HOMER1: variants seen among roughly 807,000 people sequenced by gnomAD.
HOMER1 encodes the protein homer scaffold protein 1, also known as homer protein homolog 1.
Under a neutral mutation model 48.9 loss-of-function variants are expected in HOMER1, and 3 were observed. That is an observed-to-expected ratio of 0.06 (90% CI 0.03 to 0.16). The LOEUF is 0.16. HOMER1 is among the 10% of genes least tolerant of loss of function. The probability of loss-of-function intolerance (pLI) is 1.00; values close to 1 mark genes in which losing one functional copy is unlikely to be tolerated. For synonymous variants in HOMER1, 134 were observed against 146.4 expected, an observed-to-expected ratio of 0.92 and a Z score of 0.61; for missense variants, 247 against 411.4, an observed-to-expected ratio of 0.60 and a Z score of 3.46.
In HOMER1 at chr5:79,454,806, G is replaced by A. The variant is rs150358617; in HGVS notation, c.162+2056C>T. On this transcript the variant is annotated intron_variant, in intron 2 of 8. Coordinates refer to ENST00000334082, the MANE Select transcript of HOMER1 (RefSeq NM_004272.5). Reference sequence around the variant, plus strand: ...CCCCATAAAACACTAGGCAATAATCGCCTGATAATAGTATTAACAACAATA... The same window carrying A: ...CCCCATAAAACACTAGGCAATAATCACCTGATAATAGTATTAACAACAATA... Among the ~76,000 whole-genome samples the A allele has an allele frequency of 2.6e-4, 40 of 152,084 alleles. No individual in the cohort carries two copies. The East Asian group carries it at 6.6e-3, about 25-fold the overall frequency.
chr5:79,486,328 AAG>A (rs5868995), intron 1 of HOMER1, among the ~76,000 whole-genome samples: 92,909 of 151,884 alleles, frequency 0.61, 31,680 homozygotes, highest in East Asian at 0.99. Flanking sequence ...GTCATGTTGC[AAG>A]AGAGACAATG....
intron 1 of HOMER1, among the ~76,000 whole-genome samples, chr5:79,502,723 A>G (rs1250550041): frequency 1.3e-5 from 2 of 152,232 alleles, no homozygotes; most frequent in South Asian, 2.1e-4. Flanking sequence ...TACTCAGAAT[A>G]TACAGTTAAC....
chr5:79,435,675 C>T (rs187969866), intron 5 of HOMER1, among the ~76,000 whole-genome samples: 1,507 of 149,308 alleles, frequency 0.01, 17 homozygotes, highest in African/African-American at 0.035. Flanking sequence ...ACTAAAAATA[C>T]AAAAAATTAG....
intron 5 of HOMER1, among the ~76,000 whole-genome samples, chr5:79,418,106 T>C (rs1266304035): frequency 1.3e-5 from 2 of 152,238 alleles, no homozygotes; most frequent in African/African-American, 4.8e-5. Context: ...TGTTTGTTAA[T>C]AGCATGTTAC....
rs376378820 is a variant in HOMER1 at position 79,411,485 on chromosome 5, AAAAAT to A, written c.528-9435_528-9431del. On this transcript the variant is annotated intron_variant, in intron 5 of 8. Transcript: ENST00000334082. ...GGGTGACAAAGGGAGACCCTGACTC[AAAAAT>A]AAAATAAAAATAAAGTCACAGTTGT... Among the ~76,000 whole-genome samples the A allele has an allele frequency of 5.4e-3, 823 of 152,310 alleles. 4 individuals are homozygous for A. The highest frequency in any genetic ancestry group is 8.5e-3 in the Non-Finnish European group (581 of 68,016).
chr5:79,482,567 T>C (rs376187840), intron 1 of HOMER1, among the ~76,000 whole-genome samples: 6 of 151,444 alleles, frequency 4.0e-5, no homozygotes, highest in Admixed American at 1.3e-4. Context: ...TTTGATAAGA[T>C]AGAAATCAAA....
At chr5:79,494,871 C>T (rs982470074) in intron 1 of HOMER1, among the ~76,000 whole-genome samples, 1 of 152,178 alleles carries the variant, frequency 6.6e-6, no homozygotes, top group Admixed American at 6.5e-5. Context: ...CTCTTGCCTT[C>T]TCCAAGTCCA....
intron 1 of HOMER1, among the ~76,000 whole-genome samples, chr5:79,482,469 AG>A (rs1354310174): frequency 6.6e-6 from 1 of 152,146 alleles, no homozygotes; most frequent in Non-Finnish European, 1.5e-5. Flanking sequence ...CGTATTAAAA[AG>A]CCCCAAATCA....
At chr5:79,445,331 A>G (rs1238891063) in intron 4 of HOMER1, among the ~76,000 whole-genome samples, 2 of 152,226 alleles carry the variant, frequency 1.3e-5, no homozygotes, top group Admixed American at 1.3e-4. Flanking sequence ...GAATCCTACT[A>G]GTAGGATACA....
At position 79,447,049 on chromosome 5, in the gene HOMER1, C is replaced by T; in HGVS notation, c.387+4G>A. 6.6e-7 allele frequency: 1 copy of T among 1,507,370 alleles called. No homozygotes were observed. The allele number at this position is 1,507,370 out of a possible 1,614,324, so 93.4% of individuals were successfully genotyped here. A position where few individuals can be genotyped will look rare whatever the true frequency, so the allele number is the denominator to read the frequency against. ...ATAATTAAGAATAGAAATGATATAC[C>T]CACCTGTGAAGGTGTACTGGTAAGT... On this transcript the variant is annotated splice_donor_region_variant and intron_variant, in intron 4 of 8. Coordinates refer to ENST00000334082, the MANE Select transcript of HOMER1 (RefSeq NM_004272.5).
At chr5:79,501,670 G>C (rs1248571800) in intron 1 of HOMER1, among the ~76,000 whole-genome samples, 1 of 152,144 alleles carries the variant, frequency 6.6e-6, no homozygotes, top group East Asian at 1.9e-4. Flanking sequence ...TTCTCCAAAT[G>C]AATCTGTATC....
At position 79,479,547 on chromosome 5, in the gene HOMER1, G is replaced by C. The variant is rs532956601; in HGVS notation, c.6-22529C>G. On this transcript the variant is annotated intron_variant, in intron 1 of 8. Transcript: ENST00000334082. ...GCCATGAACCAGGAATGCAGTTCTAGAAGCTAGAAAAGTCAAGGGAACCAT... is the reference window on the plus strand; with the variant it reads ...GCCATGAACCAGGAATGCAGTTCTACAAGCTAGAAAAGTCAAGGGAACCAT... 2.0e-5 allele frequency among the ~76,000 whole-genome samples: 3 copies of C among 152,304 alleles called. No individual in the cohort carries two copies. In the East Asian group the frequency reaches 5.8e-4, roughly 29 times the overall value.
At chr5:79,455,230 C>T (rs1341586112) in intron 2 of HOMER1, among the ~76,000 whole-genome samples, 1 of 152,068 alleles carries the variant, frequency 6.6e-6, no homozygotes, top group Non-Finnish European at 1.5e-5. Context: ...AACCTCAGTG[C>T]CCAGCCCTGC....
intron 1 of HOMER1, among the ~76,000 whole-genome samples, chr5:79,503,550 A>AC (rs1332905809): frequency 6.0e-5 from 9 of 150,412 alleles, no homozygotes; most frequent in Non-Finnish European, 1.3e-4. Flanking sequence ...AAAAAAAAAA[A>AC]AAAACAGAGG....
At position 79,386,473 on chromosome 5, in the gene HOMER1, G is replaced by A. The variant is rs146952095; in HGVS notation, c.877-10276C>T. ...ACCAGAAGCTGGGAAAGGTGTGATG[G>A]TGGGAGGAGAAAATGAAAAAAGATC... is the stretch of plus-strand genomic sequence containing the variant. On this transcript the variant is annotated intron_variant, in intron 8 of 8. Transcript: ENST00000334082. Among the ~76,000 whole-genome samples, 541 of 152,294 alleles carry A rather than the reference G, an allele frequency of 3.6e-3. 2 individuals carry two copies. The highest frequency in any genetic ancestry group is 6.0e-3 in the Non-Finnish European group (407 of 68,022).
chr5:79,393,579 CA>C (rs1467716254), intron 8 of HOMER1, among the ~76,000 whole-genome samples: 2 of 152,146 alleles, frequency 1.3e-5, no homozygotes, highest in African/African-American at 4.8e-5. Flanking sequence ...AGAACGGGTC[CA>C]GGGGGTACCA....
intron 5 of HOMER1, among the ~76,000 whole-genome samples, chr5:79,434,840 A>C (rs1216537887): frequency 7.9e-5 from 12 of 152,328 alleles, no homozygotes; most frequent in Admixed American, 7.8e-4. Context: ...AAATCAAAGA[A>C]AGTAGTAAAT....
chr5:79,443,838 C>T (rs776138531), intron 4 of HOMER1, among the ~76,000 whole-genome samples: 17 of 152,132 alleles, frequency 1.1e-4, no homozygotes, highest in East Asian at 5.8e-4. Context: ...GACACTGTGT[C>T]GTTACCATAC....
intron 1 of HOMER1, among the ~76,000 whole-genome samples, chr5:79,458,877 T>C (rs112833380): frequency 2.0e-5 from 3 of 152,190 alleles, no homozygotes; most frequent in Non-Finnish European, 4.4e-5. Flanking sequence ...TCCTCAACCA[T>C]TGACTTTCAG....
Sources: gnomAD v4.1 joint callset for allele counts (sites outside exome capture counted in the v4.1 genomes callset) on GRCh38, gnomAD v4.1.1 for gene constraint, MANE v1.5 for transcripts, NCBI Gene and HGNC (gene_info 2026-07-23, HGNC 2026-07-21) for gene names.